The following RNF212 variants were observed in gnomAD, a reference collection of about 807,000 sequenced individuals.
RNF212 encodes the protein probable E3 SUMO-protein ligase RNF212.
RNF212 carries 33 observed loss-of-function variants against 34.7 expected under a neutral mutation model. That is an observed-to-expected ratio of 0.95 (90% CI 0.72 to 1.27). The LOEUF (loss-of-function observed/expected upper bound fraction) is 1.27, where lower values mean the gene tolerates loss of function less well. RNF212 is among the 50% of genes most tolerant of loss of function. The pLI, the probability that RNF212 is intolerant of heterozygous loss-of-function variation, is 0.00. For missense variants in RNF212, 377 were observed against 362.2 expected (o/e 1.04, Z -0.33); for synonymous variants, 140 against 136.1 (o/e 1.03, Z -0.20).
intron 1 of RNF212, among the ~76,000 whole-genome samples, chr4:1,109,215 C>A (rs900308239): frequency 1.3e-5 from 2 of 152,146 alleles, no homozygotes; most frequent in Non-Finnish European, 2.9e-5. Flanking sequence ...GCCATGTTGG[C>A]CAGGCTGGTC....
At chr4:1,063,573 C>CTA (rs1266801937) in intron 3 of RNF212, among the ~76,000 whole-genome samples, 22 of 151,770 alleles carry the variant, frequency 1.4e-4, no homozygotes, top group Middle Eastern at 3.4e-3. Context: ...TGGTGGTGCG[C>CTA]ACCTGTAATC....
chr4:1,093,401 T>A (rs1377271295), intron 3 of RNF212: 2 of 1,401,504 alleles, frequency 1.4e-6, no homozygotes, highest in Non-Finnish European at 1.9e-6. Flanking sequence ...TTATGTTACG[T>A]TGATATTAGA....
intron 7 of RNF212, 138 bp from the exon 8 acceptor site, chr4:1,079,826 C>G: frequency 1.4e-6 from 1 of 696,176 alleles, no homozygotes; most frequent in Non-Finnish European, 2.6e-6. Context: ...AGAGTTTAGC[C>G]ACTTAGGCAT....
chr4:1,065,558 C>T (rs1240348199), intron 3 of RNF212, among the ~76,000 whole-genome samples: 1 of 151,504 alleles, frequency 6.6e-6, no homozygotes, highest in African/African-American at 2.4e-5. Flanking sequence ...GCCTTGACCT[C>T]CCAGGTTCAG....
At chr4:1,075,990 T>C (rs1287773665) in intron 8 of RNF212, among the ~76,000 whole-genome samples, 6 of 152,232 alleles carry the variant, frequency 3.9e-5, no homozygotes, top group African/African-American at 1.4e-4. Context: ...AGTGTGTGAA[T>C]GGTATTCATT....
Position 1,108,356 on chromosome 4 carries a change from A to T in RNF212, c.158T>A (p.Leu53Ter). ...ATTTCAACTTACATGCTTTGAAAGC[A>T]AAACTGTACGACAAGGAGCTTTACA... ...LICKAPCRTV[L>*]LSKHTDADIQ... Residue 53 changes from leucine to a stop codon, truncating the protein, a stop_gained, in exon 2 of 10, where the codon TTG becomes TAG. Transcript: ENST00000433731. LOFTEE classifies it high-confidence loss of function. 1 of 1,511,804 alleles carries T rather than the reference A, an allele frequency of 6.6e-7. No individual in the cohort carries two copies. The highest frequency in any genetic ancestry group is 8.8e-7 in the Non-Finnish European group (1 of 1,139,944). 93.6% of individuals were successfully genotyped at this position (1,511,804 alleles called of 1,614,324 possible).
chr4:1,111,486 C>T (rs1231324130), intron 1 of RNF212, among the ~76,000 whole-genome samples: 1 of 152,200 alleles, frequency 6.6e-6, no homozygotes, highest in Non-Finnish European at 1.5e-5. Flanking sequence ...GGGTTCCCTC[C>T]CGCTGGGCTC....
chr4:1,113,330 C>A, intron 1 of RNF212, 26 bp downstream of exon 1: 1 of 1,503,054 alleles, frequency 6.7e-7, no homozygotes, highest in Non-Finnish European at 8.9e-7. Context: ...CCTCCCCTCT[C>A]CAGCCTGCGT....
rs527578977 is a variant in RNF212 at position 1,083,580 on chromosome 4, G to A, written c.363-1961C>T. Among the ~76,000 whole-genome samples, 7 of 152,286 alleles carry A rather than the reference G, an allele frequency of 4.6e-5. No homozygotes were observed. In the South Asian group the frequency reaches 1.0e-3, roughly 23 times the overall value. On this transcript the variant is annotated intron_variant, in intron 5 of 9. Transcript: ENST00000433731. ...TTGAACCCGGCAGGCGGAGGTTGAG[G>A]TGAGCTGAGATCGTGCCACTGTACT...
chr4:1,070,662 A>G (rs1560095472), downstream of RNF212, among the ~76,000 whole-genome samples: 1 of 149,984 alleles, frequency 6.7e-6, no homozygotes, highest in Non-Finnish European at 1.5e-5. Flanking sequence ...GGTCTGAGTT[A>G]CAGGTGGTTT....
In RNF212 at chr4:1,113,458, T is replaced by C. The variant is rs771206713; in HGVS notation, c.7A>G (p.Asn3Asp). The C allele has an allele frequency of 6.2e-7, 1 of 1,606,192 alleles. No homozygotes were observed. The highest frequency in any genetic ancestry group is 8.5e-7 in the Non-Finnish European group (1 of 1,177,362). Reference sequence around the variant, plus strand: ...AAGCAGCGATTACAGAACACCCAGTTGGCCATGCCAGGCGGGCGACCGCAG... The same window carrying C: ...AAGCAGCGATTACAGAACACCCAGTCGGCCATGCCAGGCGGGCGACCGCAG... MA[N>D]WVFCNRCFQP... Residue 3 changes from asparagine to aspartate, a missense_variant, in exon 1 of 10, where the codon AAC (asparagine) becomes GAC (aspartate). Coordinates refer to ENST00000433731, the MANE Select transcript of RNF212 (RefSeq NM_001131034.4).
chr4:1,102,937 C>A (rs561020299), intron 2 of RNF212, among the ~76,000 whole-genome samples: 1 of 150,312 alleles, frequency 6.7e-6, no homozygotes, highest in African/African-American at 2.5e-5. Context: ...GTCAGGAGAT[C>A]GAGACCATCC....
chr4:1,060,296 C>T (rs539320631), intron 3 of RNF212, among the ~76,000 whole-genome samples: 6 of 152,312 alleles, frequency 3.9e-5, no homozygotes, highest in South Asian at 2.1e-4. Flanking sequence ...CCGATCAGCC[C>T]GCTGTGTGTC....
At chr4:1,099,718 C>A in intron 2 of RNF212, 1 of 456,236 alleles carries the variant, frequency 2.2e-6, no homozygotes, top group Non-Finnish European at 4.4e-6. Flanking sequence ...AATCTCACAG[C>A]GTGACTGAAG....
intron 3 of RNF212, chr4:1,093,781 G>A (rs1413950671): frequency 3.3e-6 from 5 of 1,536,216 alleles, no homozygotes; most frequent in African/African-American, 2.7e-5. Flanking sequence ...GGGTCCTGCT[G>A]GGATGGAGCA....
intron 8 of RNF212, among the ~76,000 whole-genome samples, chr4:1,074,530 T>C (rs1169321433): frequency 1.3e-5 from 2 of 152,166 alleles, no homozygotes; most frequent in Non-Finnish European, 2.9e-5. Context: ...ATGGTCTCTC[T>C]ACCAGCACAG....
At position 1,093,363 on chromosome 4, in the gene RNF212, GT is replaced by G. The variant is rs2153053774; in HGVS notation, c.247-2526del. 23 of 1,201,238 alleles carry G rather than the reference GT, an allele frequency of 1.9e-5. No individual in the cohort carries two copies. In the South Asian group the frequency reaches 3.9e-4, roughly 21 times the overall value. The allele number at this position is 1,201,238 out of a possible 1,614,324, so 74.4% of individuals were successfully genotyped here. A position where few individuals can be genotyped will look rare whatever the true frequency, so the allele number is the denominator to read the frequency against. On this transcript the variant is annotated intron_variant, in intron 3 of 9. Coordinates refer to ENST00000433731, the MANE Select transcript of RNF212 (RefSeq NM_001131034.4). ...AAAAATAACAATAAATCCATGATGT[GT>G]TAACATATTGTAACAAATGCCAATA...
chr4:1,084,073 T>C (rs914196951), intron 5 of RNF212, among the ~76,000 whole-genome samples: 3 of 151,680 alleles, frequency 2.0e-5, no homozygotes, highest in African/African-American at 7.3e-5. Context: ...CTCAGCCTCC[T>C]GAATAGCTGG....
rs1227821474 is a variant in RNF212 at position 1,092,536 on chromosome 4, C to T, written c.247-1698G>A. Among the ~76,000 whole-genome samples the T allele has an allele frequency of 2.6e-5, 4 of 152,232 alleles. No individual in the cohort carries two copies. In the South Asian group the frequency reaches 8.3e-4, roughly 32 times the overall value. ...GGCCTGGCTCTGACCAATGTTGGGG[C>T]CCAGAGACTTGAGACACTGGGTGTG... is the stretch of plus-strand genomic sequence containing the variant. On this transcript the variant is annotated intron_variant, in intron 3 of 9. Transcript: ENST00000433731.
Sources: gnomAD v4.1 joint callset for allele counts (sites outside exome capture counted in the v4.1 genomes callset) on GRCh38, gnomAD v4.1.1 for gene constraint, MANE v1.5 for transcripts, NCBI Gene and HGNC (gene_info 2026-07-23, HGNC 2026-07-21) for gene names.